EYA4: variants seen among roughly 807,000 people sequenced by gnomAD.
EYA4 encodes EYA transcriptional coactivator and phosphatase 4.
Under a neutral mutation model 87.9 loss-of-function variants are expected in EYA4, and 31 were observed. The ratio of observed to expected loss-of-function variants is 0.35; its 90% CI spans 0.27 to 0.48. The LOEUF (loss-of-function observed/expected upper bound fraction) is 0.48. Among genes scored for constraint, EYA4 ranks in the 20% least tolerant of loss-of-function variants. EYA4 has a pLI of 0.99. For synonymous variants in EYA4, 263 were observed against 270.6 expected (o/e 0.97, Z 0.28); for missense variants, 678 against 761.4 (o/e 0.89, Z 1.29).
intron 3 of EYA4, among the ~76,000 whole-genome samples, chr6:133,385,389 CTCTGTGTGTGTGTGTG>C (rs1445362110): frequency 1.5e-5 from 1 of 64,976 alleles, no homozygotes; most frequent in African/African-American, 3.8e-5. Context: ...TGTATGCTCT[CTCTGTGTGTGTGTGTG>C]TGTGTGTGTG....
chr6:133,356,575 C>T (rs947686923), intron 2 of EYA4, among the ~76,000 whole-genome samples: 2 of 151,828 alleles, frequency 1.3e-5, no homozygotes, highest in African/African-American at 4.8e-5. Flanking sequence ...CTGAAGTGAT[C>T]GTAGTGTCTA....
chr6:133,346,538 G>A (rs941280082), intron 2 of EYA4, among the ~76,000 whole-genome samples: 1 of 152,080 alleles, frequency 6.6e-6, no homozygotes, highest in African/African-American at 2.4e-5. Flanking sequence ...TATAGTCTTA[G>A]AACATTCTAC....
rs192502852 is a variant in EYA4 at position 133,379,131 on chromosome 6, G to C, written c.34-3261G>C. The stretch of plus-strand genomic sequence containing the variant: ...CAAAACACATTCAGAAGTAAGCCTG[G>C]GGTGATGGTGCATACCTGTAGACCC... On this transcript the variant is annotated intron_variant, in intron 2 of 19. Coordinates refer to ENST00000355286, the MANE Select transcript of EYA4 (RefSeq NM_004100.5). Among the ~76,000 whole-genome samples the C allele has an allele frequency of 4.2e-3, 645 of 152,048 alleles. 1 individual carries two copies. The highest frequency in any genetic ancestry group is 5.9e-3 in the Non-Finnish European group (399 of 67,972).
At chr6:133,252,036 T>C (rs1774949079) in intron 1 of EYA4, among the ~76,000 whole-genome samples, 1 of 152,192 alleles carries the variant, frequency 6.6e-6, no homozygotes, top group South Asian at 2.1e-4. Context: ...GGAAATAATA[T>C]ATGAGTGGGA....
chr6:133,333,539 A>G (rs965729827), intron 2 of EYA4, among the ~76,000 whole-genome samples: 3 of 152,168 alleles, frequency 2.0e-5, no homozygotes, highest in African/African-American at 7.2e-5. Flanking sequence ...AAGACATTAT[A>G]TCTACTTGGT....
At chr6:133,393,431 A>C (rs1055071726) in intron 3 of EYA4, among the ~76,000 whole-genome samples, 1 of 152,138 alleles carries the variant, frequency 6.6e-6, no homozygotes, top group Non-Finnish European at 1.5e-5. Context: ...TAAAATAGGG[A>C]GGATCAGGAA....
intron 1 of EYA4, among the ~76,000 whole-genome samples, chr6:133,258,227 G>A (rs1376925385): frequency 6.6e-6 from 1 of 152,050 alleles, no homozygotes; most frequent in Non-Finnish European, 1.5e-5. Context: ...AAAAACCATA[G>A]CACTCTTAGA....
intron 3 of EYA4, among the ~76,000 whole-genome samples, chr6:133,418,522 A>G (rs1224499119): frequency 6.6e-6 from 1 of 152,258 alleles, no homozygotes; most frequent in East Asian, 1.9e-4. Context: ...ACATTTAAAT[A>G]TATACAGATG....
At chr6:133,276,730 G>T (rs143677021) in intron 2 of EYA4, among the ~76,000 whole-genome samples, 1 of 152,192 alleles carries the variant, frequency 6.6e-6, no homozygotes, top group Non-Finnish European at 1.5e-5. Flanking sequence ...TCATAAATGT[G>T]CAAAGAGATG....
chr6:133,316,748 A>T lies in EYA4; in HGVS notation c.33+41935A>T, dbSNP rs563859579. 8.1e-4 allele frequency among the ~76,000 whole-genome samples: 124 copies of T among 152,260 alleles called. 1 individual carries two copies. Among genetic ancestry groups the T allele is most frequent in the African/African-American group, 2.9e-3 (121 of 41,556 alleles). On this transcript the variant is annotated intron_variant, in intron 2 of 19. Coordinates refer to ENST00000355286, the MANE Select transcript of EYA4 (RefSeq NM_004100.5). Reference sequence around the variant, plus strand: ...ATTTTCCTCTGAAAACACGATTTTGATGCATCTGGCATGGCCTTCTTTTTC... The same window carrying T: ...ATTTTCCTCTGAAAACACGATTTTGTTGCATCTGGCATGGCCTTCTTTTTC...
chr6:133,391,216 G>GTTTTTTTTTTTTTTTTT (rs1171912624), intron 3 of EYA4, among the ~76,000 whole-genome samples: 1 of 68,954 alleles, frequency 1.5e-5, no homozygotes, highest in African/African-American at 4.1e-5. Context: ...TTTGGGTTTT[G>GTTTTTTTTTTTTTTTTT]TTTTTGTTTT....
In EYA4 at chr6:133,521,549, C is replaced by T. The variant is rs1472817711; in HGVS notation, c.1617-1507C>T. Among the ~76,000 whole-genome samples, 4 of 129,642 alleles carry T rather than the reference C, an allele frequency of 3.1e-5. No individual in the cohort carries two copies. In the East Asian group the frequency reaches 6.6e-4, roughly 21 times the overall value. The allele number at this position is 129,642 out of a possible 152,430, so 85.1% of individuals were successfully genotyped here. ...AAACTAGTTCAACCATTGTGGAAGTCAGTGTGGCGATTCCTCAGGGATCTA... is the reference window on the plus strand; with the variant it reads ...AAACTAGTTCAACCATTGTGGAAGTTAGTGTGGCGATTCCTCAGGGATCTA... On this transcript the variant is annotated intron_variant, in intron 17 of 19. Coordinates refer to ENST00000355286, the MANE Select transcript of EYA4 (RefSeq NM_004100.5).
intron 2 of EYA4, among the ~76,000 whole-genome samples, chr6:133,364,967 G>C (rs1224163280): frequency 6.6e-6 from 1 of 152,154 alleles, no homozygotes; most frequent in Non-Finnish European, 1.5e-5. Flanking sequence ...ATGAAAATAG[G>C]TTATCTAGAA....
Position 133,415,351 on chromosome 6 carries a change from C to G in EYA4, c.84-31279C>G, listed in dbSNP as rs566171454. 3.9e-3 allele frequency among the ~76,000 whole-genome samples: 600 copies of G among 152,264 alleles called. 6 individuals are homozygous for G. Among genetic ancestry groups the G allele is most frequent in the African/African-American group, 0.014 (574 of 41,550 alleles). ...CTCAGAATAAATGCCCAAGAACTTA[C>G]AATAGTCTGAAAGTCCAATGCAGCC... is the stretch of plus-strand genomic sequence containing the variant. On this transcript the variant is annotated intron_variant, in intron 3 of 19. Coordinates refer to ENST00000355286, the MANE Select transcript of EYA4 (RefSeq NM_004100.5).
At chr6:133,386,598 T>C (rs1200788038) in intron 3 of EYA4, among the ~76,000 whole-genome samples, 4 of 152,306 alleles carry the variant, frequency 2.6e-5, no homozygotes, top group South Asian at 2.1e-4. Context: ...ATCAAAGACA[T>C]AGGAAGGAAA....
At chr6:133,403,946 G>A (rs937332598) in intron 3 of EYA4, among the ~76,000 whole-genome samples, 4 of 152,138 alleles carry the variant, frequency 2.6e-5, no homozygotes, top group South Asian at 4.1e-4. Flanking sequence ...GAGTACGTGG[G>A]ATTACAGTTG....
chr6:133,283,721 A>G (rs1660270537), intron 2 of EYA4, among the ~76,000 whole-genome samples: 1 of 152,178 alleles, frequency 6.6e-6, no homozygotes, highest in Non-Finnish European at 1.5e-5. Context: ...TGGTTTTGTT[A>G]CGTGGATATA....
rs752080613 is a variant in EYA4 at position 133,512,752 on chromosome 6, C to G, written c.1313C>G (p.Ser438Cys). The G allele has an allele frequency of 1.9e-6, 3 of 1,613,356 alleles. No individual in the cohort carries two copies. The South Asian group carries it at 3.3e-5, about 18-fold the overall frequency. ...GATCAAGTTCATATAGATGATGTTT[C>G]CTCTGATGATAATGGGCAGGACTTA... ...ECDQVHIDDVSSDDNGQDLST... is the reference protein window; with the variant it reads ...ECDQVHIDDVCSDDNGQDLST... Residue 438 changes from serine to cysteine, a missense_variant, in exon 15 of 20, where the codon TCC (serine) becomes TGC (cysteine). Physicochemically the swap from Ser to Cys is moderately radical, Grantham distance 112. Coordinates refer to ENST00000355286, the MANE Select transcript of EYA4 (RefSeq NM_004100.5).
At chr6:133,364,517 C>T (rs1784708552) in intron 2 of EYA4, among the ~76,000 whole-genome samples, 1 of 152,132 alleles carries the variant, frequency 6.6e-6, no homozygotes, top group Non-Finnish European at 1.5e-5. Flanking sequence ...GGGGCTCCTG[C>T]CAATAGTTGA....
Sources: allele counts gnomAD v4.1 joint callset (sites outside exome capture counted in the v4.1 genomes callset), GRCh38; gene constraint gnomAD v4.1.1; transcripts MANE v1.5; gene names NCBI Gene and HGNC (gene_info 2026-07-23, HGNC 2026-07-21).